Variants in TENT2 observed in about 807,000 individuals in gnomAD.
The protein encoded by TENT2 is terminal nucleotidyltransferase 2.
TENT2 carries 44 observed loss-of-function variants against 72.2 expected under a neutral mutation model. The observed-to-expected ratio is 0.61, with a 90% CI of 0.48 to 0.78. The LOEUF (loss-of-function observed/expected upper bound fraction) is 0.78, where lower values mean the gene tolerates loss of function less well. Ranked by LOEUF, TENT2 falls within the 30% of genes least tolerant of loss-of-function variation. The pLI is 0.00. For missense variants in TENT2, 541 were observed against 569.6 expected, an observed-to-expected ratio of 0.95 and a Z score of 0.51; for synonymous variants, 212 against 192.5, an observed-to-expected ratio of 1.10 and a Z score of -0.84.
At chr5:79,668,094 C>T (rs756615370) in intron 11 of TENT2, among the ~76,000 whole-genome samples, 1 of 151,744 alleles carries the variant, frequency 6.6e-6, no homozygotes, top group Non-Finnish European at 1.5e-5. Context: ...TTAGTATATT[C>T]GAGAGCCAGA....
At chr5:79,662,564 A>G (rs961187423) in intron 11 of TENT2, among the ~76,000 whole-genome samples, 3 of 152,168 alleles carry the variant, frequency 2.0e-5, no homozygotes, top group African/African-American at 7.2e-5. Context: ...TGAAAACATT[A>G]ATCTCTTTGT....
intron 4 of TENT2, among the ~76,000 whole-genome samples, chr5:79,629,866 G>GC (rs1773765572): frequency 6.6e-6 from 1 of 151,502 alleles, no homozygotes; most frequent in South Asian, 2.1e-4. Flanking sequence ...GGGCACAGTG[G>GC]CTCACGCCTG....
intron 4 of TENT2, 74 bp from the exon 5 acceptor site, chr5:79,640,777 T>G: frequency 1.2e-6 from 1 of 816,294 alleles, no homozygotes; most frequent in Non-Finnish European, 1.9e-6. Context: ...TATAATTGAT[T>G]TATGCTTCTC....
chr5:79,683,793 G>A (rs1289269776), intron 14 of TENT2, among the ~76,000 whole-genome samples: 6 of 149,252 alleles, frequency 4.0e-5, no homozygotes, highest in African/African-American at 1.5e-4. Context: ...AGTGGCGGGC[G>A]CCTGTAGTCC....
intron 10 of TENT2, among the ~76,000 whole-genome samples, chr5:79,649,586 C>G (rs879866540): frequency 6.6e-6 from 1 of 152,040 alleles, no homozygotes; most frequent in Non-Finnish European, 1.5e-5. Context: ...GTTAAAGAAG[C>G]TTTTAATCTC....
chr5:79,685,059 A>G, intron 14 of TENT2, 140 bp from the exon 15 acceptor site: 1 of 699,250 alleles, frequency 1.4e-6, no homozygotes, highest in East Asian at 3.1e-5. Context: ...CCTTATCTCA[A>G]AAAAAGAAAA....
At chr5:79,622,086 A>T (rs1284240092) in intron 3 of TENT2, among the ~76,000 whole-genome samples, 1 of 152,052 alleles carries the variant, frequency 6.6e-6, no homozygotes, top group Non-Finnish European at 1.5e-5. Context: ...AGGTCATTTG[A>T]GGTCAGGAGT....
intron 11 of TENT2, among the ~76,000 whole-genome samples, chr5:79,666,149 C>G (rs1382352580): frequency 6.6e-6 from 1 of 151,300 alleles, no homozygotes; most frequent in Admixed American, 6.6e-5. Context: ...CCACCATGTC[C>G]AGCTAATTTT....
intron 14 of TENT2, among the ~76,000 whole-genome samples, chr5:79,682,600 G>T (rs956025372): frequency 1.6e-4 from 25 of 151,870 alleles, no homozygotes; most frequent in African/African-American, 5.6e-4. Context: ...AAGCATTTTC[G>T]TAGTGAGCTT....
At chr5:79,650,703 T>C (rs1014906672) in intron 10 of TENT2, among the ~76,000 whole-genome samples, 5 of 152,060 alleles carry the variant, frequency 3.3e-5, no homozygotes, top group African/African-American at 9.7e-5. Context: ...AGAAGGCACC[T>C]TTCCTTATGC....
At chr5:79,682,168 C>A in intron 14 of TENT2, 107 bp downstream of exon 14, 1 of 651,918 alleles carries the variant, frequency 1.5e-6, no homozygotes, top group Non-Finnish European at 2.6e-6. Flanking sequence ...TCTGTGAATC[C>A]ATTAATATAG....
intron 4 of TENT2, among the ~76,000 whole-genome samples, chr5:79,636,328 G>T (rs1291478883): frequency 6.6e-6 from 1 of 152,106 alleles, no homozygotes; most frequent in East Asian, 1.9e-4. Flanking sequence ...AACAACATAT[G>T]ACTAATCTTA....
intron 11 of TENT2, among the ~76,000 whole-genome samples, chr5:79,664,569 T>C (rs1251542409): frequency 6.9e-6 from 1 of 144,130 alleles, no homozygotes; most frequent in Non-Finnish European, 1.5e-5. Context: ...CACTCCAGCC[T>C]GGGTGACAGA....
chr5:79,633,638 A>T, intron 4 of TENT2, among the ~76,000 whole-genome samples: 1 of 150,598 alleles, frequency 6.6e-6, no homozygotes, highest in East Asian at 2.0e-4. Flanking sequence ...CTGGTCTCGA[A>T]CTGCCAACCT....
chr5:79,670,037 C>T (rs778601167), intron 12 of TENT2, among the ~76,000 whole-genome samples: 2 of 151,580 alleles, frequency 1.3e-5, no homozygotes, highest in Admixed American at 6.6e-5. Context: ...CAGACCAACA[C>T]GGAGAAACCC....
chr5:79,667,449 T>C (rs906432505), intron 11 of TENT2, among the ~76,000 whole-genome samples: 3 of 152,170 alleles, frequency 2.0e-5, no homozygotes, highest in Admixed American at 1.3e-4. Flanking sequence ...AGGCACTGCA[T>C]CTATTCTTCC....
In TENT2 at chr5:79,619,779, A is replaced by G; in HGVS notation, c.131A>G (p.Asn44Ser). 2 of 1,612,826 alleles carry G rather than the reference A, an allele frequency of 1.2e-6. No homozygotes were observed. The highest frequency in any genetic ancestry group is 1.7e-6 in the Non-Finnish European group (2 of 1,179,340). The change falls in exon 2 of 15, where the codon AAT becomes AGT. Residue 44 changes from asparagine (N) to serine (S), a missense_variant. Coordinates refer to ENST00000453514, the MANE Select transcript of TENT2 (RefSeq NM_001114394.3). Reference protein sequence around the residue: ...QLIDAQFNFQNADLSRAVSLQ... With the variant: ...QLIDAQFNFQSADLSRAVSLQ... ...ATAGATGCACAATTCAACTTTCAGA[A>G]TGCAGAGTGAGTATGGTGATATTTT...
chr5:79,680,425 A>G (rs531764215), intron 13 of TENT2, among the ~76,000 whole-genome samples: 37 of 152,356 alleles, frequency 2.4e-4, no homozygotes, highest in African/African-American at 8.7e-4. Flanking sequence ...CTAAAGTGCT[A>G]TGATGATGCA....
rs1011061256 is a variant in TENT2 at position 79,687,343 on chromosome 5, G to A, written c.*2070G>A. ...GAGTACTAAATTATTTTCTGTTTGT[G>A]TTGATCTGTCCATTTCTGTATATAG... On this transcript the variant is annotated 3_prime_UTR_variant, in exon 15 of 15. Coordinates refer to ENST00000453514, the MANE Select transcript of TENT2 (RefSeq NM_001114394.3). Among the ~76,000 whole-genome samples, 9 of 152,082 alleles carry A rather than the reference G, an allele frequency of 5.9e-5. No individual in the cohort carries two copies. Among genetic ancestry groups the A allele is most frequent in the Admixed American group, 5.2e-4 (8 of 15,270 alleles).
Sources: gnomAD v4.1 joint callset for allele counts (sites outside exome capture counted in the v4.1 genomes callset) on GRCh38, gnomAD v4.1.1 for gene constraint, MANE v1.5 for transcripts, NCBI Gene and HGNC (gene_info 2026-07-23, HGNC 2026-07-21) for gene names.